Variants in BTLA observed in about 807,000 individuals in gnomAD.
The protein encoded by BTLA is B- and T-lymphocyte attenuator.
Under a neutral mutation model 25.0 loss-of-function variants are expected in BTLA, and 11 were observed. That is an observed-to-expected ratio of 0.44 (90% CI 0.28 to 0.73). BTLA has a LOEUF of 0.73. BTLA is among the 30% of genes least tolerant of loss of function. BTLA has a pLI of 0.15. For synonymous variants in BTLA, 104 were observed against 119.8 expected (o/e 0.87, Z 0.86); for missense variants, 282 against 332.8 (o/e 0.85, Z 1.19).
intron 1 of BTLA, 105 bp downstream of exon 1, chr3:112,499,166 C>T: frequency 1.3e-6 from 1 of 776,408 alleles, no homozygotes; most frequent in South Asian, 1.9e-5. Flanking sequence ...CTACGATTAC[C>T]CACTTCGTAT....
At position 112,479,681 on chromosome 3, in the gene BTLA, A is replaced by G; in HGVS notation, c.177T>C (p.Pro59=). 1.2e-6 allele frequency: 2 copies of G among 1,614,038 alleles called. No homozygotes were observed. Among genetic ancestry groups the G allele is most frequent in the Non-Finnish European group, 1.7e-6 (2 of 1,179,920 alleles). The change falls in exon 2 of 5, where the codon CCT becomes CCC. Residue 59 remains proline, a synonymous_variant. Coordinates refer to ENST00000334529, the MANE Select transcript of BTLA (RefSeq NM_181780.4). ...LAGDPFELEC[P]VKYCANRPHV... ...GAGGCCTGTTAGCACAGTATTTCAC[A>G]GGGCATTCTAGTTCAAAGGGATCTC...
In BTLA at chr3:112,498,998, C is replaced by T. The variant is rs113580592; in HGVS notation, c.88+273G>A. On this transcript the variant is annotated intron_variant, in intron 1 of 4. Transcript: ENST00000334529. Reference sequence around the variant, plus strand: ...TAGATTTGTACTTAACTATTTATAACATCTACTCAGTTCTCTTTTCCTACC... The same window carrying T: ...TAGATTTGTACTTAACTATTTATAATATCTACTCAGTTCTCTTTTCCTACC... Among the ~76,000 whole-genome samples the T allele has an allele frequency of 8.7e-3, 1,319 of 152,246 alleles. 15 individuals are homozygous for T. Among genetic ancestry groups the T allele is most frequent in the African/African-American group, 0.03 (1,256 of 41,528 alleles).
At chr3:112,480,391 C>A (rs1307634329) in intron 1 of BTLA, among the ~76,000 whole-genome samples, 1 of 152,252 alleles carries the variant, frequency 6.6e-6, no homozygotes, top group African/African-American at 2.4e-5. Context: ...GTGGTCTCTA[C>A]ACACGGACAC....
rs530503966 is a variant in BTLA at position 112,465,208 on chromosome 3, G to A, written c.*900C>T. 7 of 152,730 alleles carry A rather than the reference G, an allele frequency of 4.6e-5. No individual in the cohort carries two copies. The East Asian group carries it at 1.4e-3, about 29-fold the overall frequency. The allele number at this position is 152,730 out of a possible 1,614,324, so 9.5% of individuals were successfully genotyped here. A position where few individuals can be genotyped will look rare whatever the true frequency, so the allele number is the denominator to read the frequency against. ...CCTACAGACCAATTAAATATTCTGG[G>A]TTTTCCTCCATTCCATTAATTGCAC... On this transcript the variant is annotated 3_prime_UTR_variant, in exon 5 of 5. Coordinates refer to ENST00000334529, the MANE Select transcript of BTLA (RefSeq NM_181780.4).
chr3:112,492,988 G>A lies in BTLA; in HGVS notation c.88+6283C>T, dbSNP rs369040169. 2.3e-3 allele frequency among the ~76,000 whole-genome samples: 356 copies of A among 152,274 alleles called. 2 individuals carry two copies. Among genetic ancestry groups the A allele is most frequent in the African/African-American group, 8.3e-3 (347 of 41,558 alleles). ...GTTCTAAGTGAATCTCAAATTGTATGACACCTCTGCATGCATACACACAGA... is the reference window on the plus strand; with the variant it reads ...GTTCTAAGTGAATCTCAAATTGTATAACACCTCTGCATGCATACACACAGA... On this transcript the variant is annotated intron_variant, in intron 1 of 4. Transcript: ENST00000334529.
At chr3:112,489,276 T>C (rs1486214920) in intron 1 of BTLA, among the ~76,000 whole-genome samples, 2 of 152,086 alleles carry the variant, frequency 1.3e-5, no homozygotes, top group Admixed American at 6.5e-5. Context: ...AACAACTGTA[T>C]AGTCTCGTAA....
chr3:112,492,927 T>C (rs937511723), intron 1 of BTLA, among the ~76,000 whole-genome samples: 12 of 152,136 alleles, frequency 7.9e-5, no homozygotes, highest in African/African-American at 2.7e-4. Context: ...AAACTTGATG[T>C]TTTCCTGGGA....
chr3:112,467,589 T>A (rs1005268480), intron 4 of BTLA, among the ~76,000 whole-genome samples: 2 of 152,218 alleles, frequency 1.3e-5, no homozygotes, highest in Non-Finnish European at 1.5e-5. Flanking sequence ...TGCAGTAGGA[T>A]GTCTATGGCA....
chr3:112,484,910 G>A (rs1056800830), intron 1 of BTLA, among the ~76,000 whole-genome samples: 3 of 152,120 alleles, frequency 2.0e-5, no homozygotes, highest in Non-Finnish European at 4.4e-5. Flanking sequence ...TTGCAAGCAG[G>A]CATTAGAAAT....
chr3:112,466,261 C>T lies in BTLA; in HGVS notation c.717G>A (p.Gly239=), dbSNP rs1376072751. 1.2e-6 allele frequency: 2 copies of T among 1,613,978 alleles called. No homozygotes were observed. Among genetic ancestry groups the T allele is most frequent in the Non-Finnish European group, 1.7e-6 (2 of 1,180,006 alleles). ...DPDLCFRMQE[G]SEVYSNPCLE... is the part of the protein sequence containing the mutation. ...GGCATGGATTAGAATAAACTTCAGA[C>T]CCTTCCTGCATCCTGAAACAAAGGT... The change falls in exon 5 of 5, where the codon GGG becomes GGA. Residue 239 remains glycine, a synonymous_variant. Transcript: ENST00000334529.
chr3:112,466,952 ATTC>A (rs146337194), intron 4 of BTLA, among the ~76,000 whole-genome samples: 1 of 25,992 alleles, frequency 3.8e-5, no homozygotes, highest in African/African-American at 4.8e-5. Flanking sequence ...TCAAAAGAAA[ATTC>A]TTCTTTTTTT....
intron 1 of BTLA, among the ~76,000 whole-genome samples, chr3:112,494,200 CA>C (rs2082396012): frequency 6.6e-6 from 1 of 151,982 alleles, no homozygotes; most frequent in Non-Finnish European, 1.5e-5. Context: ...ATCAAAACCA[CA>C]AGGAGATAAC....
In BTLA at chr3:112,479,741, A is replaced by G. The variant is rs565129171; in HGVS notation, c.117T>C (p.Tyr39=). ...HGKESCDVQL[Y]IKRQSEHSIL... is the part of the protein sequence containing the mutation. Reference sequence around the variant, plus strand: ...TGGAGTGTTCAGATTGTCTCTTTATATAAAGCTGTACATCACATGATTCTT... The same window carrying G: ...TGGAGTGTTCAGATTGTCTCTTTATGTAAAGCTGTACATCACATGATTCTT... Residue 39 remains tyrosine, a synonymous_variant, in exon 2 of 5, where the codon TAT becomes TAC. Transcript: ENST00000334529. 1.9e-5 allele frequency: 30 copies of G among 1,611,454 alleles called. No individual in the cohort carries two copies. Among genetic ancestry groups the G allele is most frequent in the Admixed American group, 1.0e-4 (6 of 59,632 alleles).
chr3:112,490,746 C>T (rs1210997034), intron 1 of BTLA, among the ~76,000 whole-genome samples: 1 of 149,074 alleles, frequency 6.7e-6, no homozygotes, highest in Non-Finnish European at 1.5e-5. Flanking sequence ...AAAAAGCAAC[C>T]ATGAAACAAG....
intron 2 of BTLA, among the ~76,000 whole-genome samples, chr3:112,475,107 T>C (rs1183658405): frequency 6.6e-6 from 1 of 152,136 alleles, no homozygotes; most frequent in African/African-American, 2.4e-5. Context: ...ATAATGATGG[T>C]GCGAGATGCT....
Position 112,494,458 on chromosome 3 carries a change from T to C in BTLA, c.88+4813A>G, listed in dbSNP as rs1315150262. 3.3e-5 allele frequency among the ~76,000 whole-genome samples: 5 copies of C among 152,328 alleles called. No individual in the cohort carries two copies. In the South Asian group the frequency reaches 1.0e-3, roughly 32 times the overall value. On this transcript the variant is annotated intron_variant, in intron 1 of 4. Coordinates refer to ENST00000334529, the MANE Select transcript of BTLA (RefSeq NM_181780.4). ...TACTATAAAGACACATGCACACGTA[T>C]GTTTATTGCAGCACTATTTACAATA... is the stretch of plus-strand genomic sequence containing the variant.
At chr3:112,471,109 T>G in intron 3 of BTLA, 103 bp downstream of exon 3, 1 of 1,337,408 alleles carries the variant, frequency 7.5e-7, no homozygotes, top group Non-Finnish European at 1.0e-6. Flanking sequence ...GTTTACAGGA[T>G]TGGGAAAGAA....
chr3:112,484,282 T>C (rs1264246420), intron 1 of BTLA, among the ~76,000 whole-genome samples: 3 of 152,192 alleles, frequency 2.0e-5, no homozygotes, highest in Non-Finnish European at 2.9e-5. Context: ...GGCAGGAGTT[T>C]AAACTTTGCT....
chr3:112,471,371 A>G lies in BTLA; in HGVS notation c.404-16T>C. On this transcript the variant is annotated splice_polypyrimidine_tract_variant and intron_variant, in intron 2 of 4. Transcript: ENST00000334529. ...CTTTTTACATCTGGAATGTTAGTAA[A>G]TGCTAAAGAGAGTTAGGAAATCTGA... 6.2e-6 allele frequency: 10 copies of G among 1,612,520 alleles called. No individual in the cohort carries two copies. The highest frequency in any genetic ancestry group is 8.5e-6 in the Non-Finnish European group (10 of 1,178,984).
Sources: gnomAD v4.1 joint callset for allele counts (sites outside exome capture counted in the v4.1 genomes callset) on GRCh38, gnomAD v4.1.1 for gene constraint, MANE v1.5 for transcripts, NCBI Gene and HGNC (gene_info 2026-07-23, HGNC 2026-07-21) for gene names.